NUDT5: variants seen among roughly 807,000 people sequenced by gnomAD.
NUDT5 encodes ADP-sugar pyrophosphatase.
NUDT5 carries 21 observed loss-of-function variants against 34.1 expected under a neutral mutation model. The observed-to-expected ratio is 0.62, with a 90% CI of 0.44 to 0.89. The LOEUF is 0.89. Among genes scored for constraint, NUDT5 ranks in the 40% least tolerant of loss-of-function variants. The probability of loss-of-function intolerance (pLI) is 0.00; values close to 1 mark genes in which losing one functional copy is unlikely to be tolerated. For missense variants in NUDT5, 249 were observed against 274.8 expected (o/e 0.91, Z 0.66); for synonymous variants, 85 against 97.6 (o/e 0.87, Z 0.76).
rs1046120450 is a variant in NUDT5 at position 12,172,568 on chromosome 10, G to A, written c.487+197C>T. ...TTTAACATTTTTTTACAAAGAAAGC[G>A]TAAAGATGAATGAAGTGGCAAAAGA... On this transcript the variant is annotated intron_variant, in intron 7 of 9. Coordinates refer to ENST00000491614, the MANE Select transcript of NUDT5 (RefSeq NM_014142.4). 4.4e-5 allele frequency: 26 copies of A among 592,596 alleles called. No individual in the cohort carries two copies. In the Admixed American group the frequency reaches 4.8e-4, roughly 11 times the overall value. 36.7% of individuals were successfully genotyped at this position (592,596 alleles called of 1,614,324 possible). A position where few individuals can be genotyped will look rare whatever the true frequency, so the allele number is the denominator to read the frequency against.
chr10:12,186,692 A>C (rs1835136918), intron 1 of NUDT5, among the ~76,000 whole-genome samples: 1 of 149,542 alleles, frequency 6.7e-6, no homozygotes, highest in East Asian at 2.0e-4. Context: ...CAATGGCGCG[A>C]TCTCAGCTCA....
intron 3 of NUDT5, chr10:12,184,576 A>G (rs1241655924): frequency 3.4e-6 from 5 of 1,471,592 alleles, no homozygotes; most frequent in Admixed American, 2.0e-5. Flanking sequence ...AGGAAGCAAC[A>G]TGTACTGTTA....
intron 3 of NUDT5, chr10:12,180,477 C>T (rs1382575260): frequency 6.6e-6 from 1 of 152,186 alleles, no homozygotes; most frequent in Non-Finnish European, 1.5e-5. Flanking sequence ...CACTGAAGGT[C>T]CCATCCCAAA....
chr10:12,172,662 C>A (rs183445831), intron 7 of NUDT5, 103 bp downstream of exon 7: 2 of 739,472 alleles, frequency 2.7e-6, no homozygotes, highest in East Asian at 2.6e-5. Context: ...AAGACCGATT[C>A]TTTCCATGAA....
intron 3 of NUDT5, 81 bp from the exon 4 acceptor site, chr10:12,179,213 T>G (rs1835006243): frequency 1.7e-6 from 2 of 1,144,654 alleles, no homozygotes; most frequent in Admixed American, 3.7e-5. Flanking sequence ...AACCAGAACT[T>G]CTTAAATGCA....
Position 12,166,265 on chromosome 10 carries a change from A to C in NUDT5, c.*1437T>G, listed in dbSNP as rs1315948682. On this transcript the variant is annotated 3_prime_UTR_variant, in exon 10 of 10. Transcript: ENST00000491614. ...ACGGATGCCTTCTCTCTTGATTTCA[A>C]TGATTGATAGCATGTGGCTTTCAGA... is the stretch of plus-strand genomic sequence containing the variant. 1 of 153,358 alleles carries C rather than the reference A, an allele frequency of 6.5e-6. No individual in the cohort carries two copies. Among genetic ancestry groups the C allele is most frequent in the African/African-American group, 2.4e-5 (1 of 41,460 alleles). The allele number at this position is 153,358 out of a possible 1,614,324, so 9.5% of individuals were successfully genotyped here.
chr10:12,169,383 C>G lies in NUDT5; in HGVS notation c.550+1334G>C. On this transcript the variant is annotated intron_variant, in intron 9 of 9. Transcript: ENST00000491614. The surrounding 1 kb of genome is among the most constrained non-coding windows in gnomAD (Gnocchi z 4.8). ...CCTACGTCACCCTGCTTTCCACGCA[C>G]CTCCTCAGAGGGAGGGGCTGTTATT... 1 of 1,217,938 alleles carries G rather than the reference C, an allele frequency of 8.2e-7. No individual in the cohort carries two copies. Among genetic ancestry groups the G allele is most frequent in the Non-Finnish European group, 1.2e-6 (1 of 856,878 alleles). 75.4% of individuals were successfully genotyped at this position (1,217,938 alleles called of 1,614,324 possible). A position where few individuals can be genotyped will look rare whatever the true frequency, so the allele number is the denominator to read the frequency against.
At chr10:12,184,522 C>T (rs778435787) in intron 3 of NUDT5, 2 of 1,545,902 alleles carry the variant, frequency 1.3e-6, no homozygotes, top group South Asian at 1.2e-5. Context: ...GTTGTTTTCT[C>T]TTTATTTCTT....
Position 12,170,081 on chromosome 10 carries a change from T to C in NUDT5, c.550+636A>G, listed in dbSNP as rs909656807. 1 of 1,605,072 alleles carries C rather than the reference T, an allele frequency of 6.2e-7. No individual in the cohort carries two copies. Among genetic ancestry groups the C allele is most frequent in the Non-Finnish European group, 8.5e-7 (1 of 1,172,842 alleles). On this transcript the variant is annotated intron_variant, in intron 9 of 9. Coordinates refer to ENST00000491614, the MANE Select transcript of NUDT5 (RefSeq NM_014142.4). The surrounding 1 kb of genome is among the most constrained non-coding windows in gnomAD (Gnocchi z 4.9). Reference sequence around the variant, plus strand: ...CTCGTCTCCACACAGTATCTCCTCATGTCTCCATACAGTATCTCCTCTCGT... The same window carrying C: ...CTCGTCTCCACACAGTATCTCCTCACGTCTCCATACAGTATCTCCTCTCGT...
At chr10:12,172,136 T>C (rs987427629) in intron 7 of NUDT5, among the ~76,000 whole-genome samples, 2 of 152,310 alleles carry the variant, frequency 1.3e-5, no homozygotes, top group East Asian at 3.9e-4. Flanking sequence ...GTGGTGCACA[T>C]ATAAATACCC....
rs558467924 is a variant in NUDT5, at chr10:12,186,115, T to A, written c.63+114A>T. On this transcript the variant is annotated intron_variant, in intron 2 of 9. Coordinates refer to ENST00000491614, the MANE Select transcript of NUDT5 (RefSeq NM_014142.4). Reference sequence around the variant, plus strand: ...AGCCCAAAAAAGGGAGTAGGAAAAATCTTTACAACTGTCTTCAAGAATGAA... The same window carrying A: ...AGCCCAAAAAAGGGAGTAGGAAAAAACTTTACAACTGTCTTCAAGAATGAA... 1.4e-5 allele frequency: 12 copies of A among 879,130 alleles called. No individual in the cohort carries two copies. The South Asian group carries it at 1.8e-4, about 13-fold the overall frequency. 54.5% of individuals were successfully genotyped at this position (879,130 alleles called of 1,614,324 possible).
At chr10:12,194,859 G>A (rs10906095) in intron 1 of NUDT5, among the ~76,000 whole-genome samples, 14,420 of 150,314 alleles carry the variant, frequency 0.096, 764 homozygotes, top group South Asian at 0.16. Flanking sequence ...ACGACTAGGG[G>A]TTAAAAGCGG....
chr10:12,189,187 C>A (rs1453250438), intron 1 of NUDT5, among the ~76,000 whole-genome samples: 2 of 152,060 alleles, frequency 1.3e-5, no homozygotes, highest in East Asian at 3.9e-4. Flanking sequence ...CTCACTGCAA[C>A]CTCTGCCTCA....
intron 5 of NUDT5, among the ~76,000 whole-genome samples, chr10:12,177,085 G>C (rs973615676): frequency 1.3e-5 from 2 of 149,466 alleles, no homozygotes; most frequent in African/African-American, 5.0e-5. Context: ...TCACGCCACC[G>C]CACTCCAGCC....
intron 3 of NUDT5, among the ~76,000 whole-genome samples, chr10:12,180,729 C>T (rs941276604): frequency 5.3e-5 from 8 of 152,230 alleles, no homozygotes; most frequent in Admixed American, 2.0e-4. Context: ...TCCAGCCTCC[C>T]TGAGGCTCTT....
Position 12,167,566 on chromosome 10 carries a change from C to A in NUDT5, c.*136G>T. 1.3e-6 allele frequency: 1 copy of A among 754,454 alleles called. No homozygotes were observed. Among genetic ancestry groups the A allele is most frequent in the South Asian group, 1.9e-5 (1 of 53,614 alleles). The allele number at this position is 754,454 out of a possible 1,614,324, so 46.7% of individuals were successfully genotyped here. On this transcript the variant is annotated 3_prime_UTR_variant, in exon 10 of 10. Transcript: ENST00000491614. ...TACCTGTAATTACAATTCCATACCA[C>A]CACCACATCTGTTCTGTGCTTTTAT...
Position 12,171,029 on chromosome 10 carries a change from C to T in NUDT5, c.488-121G>A. On this transcript the variant is annotated intron_variant, in intron 7 of 9. Coordinates refer to ENST00000491614, the MANE Select transcript of NUDT5 (RefSeq NM_014142.4). This position sits in a 1 kb window ranked among gnomAD's most constrained non-coding sequence, Gnocchi z 4.2. ...TCACAGAAGCCTGGGTTTCTGCTAA[C>T]TTAATTTATATACATTGTCAAACTC... The T allele has an allele frequency of 9.7e-7, 1 of 1,025,976 alleles. No homozygotes were observed. The highest frequency in any genetic ancestry group is 1.5e-5 in the South Asian group (1 of 67,886). The allele number at this position is 1,025,976 out of a possible 1,614,324, so 63.6% of individuals were successfully genotyped here.
intron 1 of NUDT5, among the ~76,000 whole-genome samples, chr10:12,192,598 A>C (rs962868718): frequency 6.6e-6 from 1 of 152,168 alleles, no homozygotes; most frequent in Non-Finnish European, 1.5e-5. Context: ...TCATGCCTGT[A>C]ATCCCAGCGC....
At position 12,167,616 on chromosome 10, in the gene NUDT5, C is replaced by A. The variant is rs1277895888; in HGVS notation, c.*86G>T. On this transcript the variant is annotated 3_prime_UTR_variant, in exon 10 of 10. Transcript: ENST00000491614. ...TTTTACGAAAAAGCTAATGGCAAAT[C>A]TACATTAAACTAAGTTGAATACAAA... is the stretch of plus-strand genomic sequence containing the variant. 1 of 1,296,158 alleles carries A rather than the reference C, an allele frequency of 7.7e-7. No individual in the cohort carries two copies. Among genetic ancestry groups the A allele is most frequent in the Non-Finnish European group, 1.1e-6 (1 of 912,062 alleles). The allele number at this position is 1,296,158 out of a possible 1,614,324, so 80.3% of individuals were successfully genotyped here.
Sources: allele counts gnomAD v4.1 joint callset (sites outside exome capture counted in the v4.1 genomes callset), GRCh38; gene constraint gnomAD v4.1.1; non-coding constraint Gnocchi (gnomAD v3.1); transcripts MANE v1.5; gene names NCBI Gene and HGNC (gene_info 2026-07-23, HGNC 2026-07-21).